The following DMBT1 variants were observed in gnomAD, a reference collection of about 807,000 sequenced individuals.
The protein encoded by DMBT1 is deleted in malignant brain tumors 1.
Under a neutral mutation model 252.9 loss-of-function variants are expected in DMBT1, and 198 were observed. The observed-to-expected ratio is 0.78, with a 90% confidence interval of 0.70 to 0.88. The LOEUF (loss-of-function observed/expected upper bound fraction) is 0.88. DMBT1 is among the 40% of genes least tolerant of loss of function. DMBT1 has a pLI of 0.00. For missense variants in DMBT1, 2,432 were observed against 2,404.7 expected, an observed-to-expected ratio of 1.01 and a Z score of -0.24; for synonymous variants, 990 against 942.7, an observed-to-expected ratio of 1.05 and a Z score of -0.92.
At chr10:122,575,655 C>G (rs1044710629) in intron 6 of DMBT1, among the ~76,000 whole-genome samples, 1 of 152,074 alleles carries the variant, frequency 6.6e-6, no homozygotes, top group African/African-American at 2.4e-5. Flanking sequence ...GTCATGTTGC[C>G]AACTATATCC....
Position 122,625,289 on chromosome 10 carries a change from A to C in DMBT1, c.5621A>C (p.Asn1874Thr). 6.2e-7 allele frequency: 1 copy of C among 1,611,464 alleles called. No homozygotes were observed. Among genetic ancestry groups the C allele is most frequent in the Non-Finnish European group, 8.5e-7 (1 of 1,178,858 alleles). Reference protein sequence around the residue: ...AGVICSATQINSTTTDWWHPT... With the variant: ...AGVICSATQITSTTTDWWHPT... The stretch of plus-strand genomic sequence containing the variant: ...CTTTTCCTTGCAGCCACCCAAATAA[A>C]TTCTACTACGACAGGTGAGTCTGCT... Residue 1874 changes from asparagine to threonine, a missense_variant, in exon 45 of 56, where the codon AAT becomes ACT. Physicochemically the swap from Asn to Thr is moderately conservative, Grantham distance 65. Around this residue, in one of 3 missense-constraint regions of DMBT1, gnomAD observed 1,162 missense variants for 1,169.0 expected, o/e 0.99. Coordinates refer to ENST00000338354, the MANE Select transcript of DMBT1 (RefSeq NM_001377530.1).
In DMBT1 at chr10:122,640,588, T is replaced by C. The variant is rs1266609632; in HGVS notation, c.7352+139T>C. On this transcript the variant is annotated intron_variant, in intron 55 of 55. Coordinates refer to ENST00000338354, the MANE Select transcript of DMBT1 (RefSeq NM_001377530.1). ...CAGCTTAACTGGATCCCTTTCTACA[T>C]GTAGTGATGTCCTGTAGCTTTCACC... 1.2e-5 allele frequency: 11 copies of C among 917,702 alleles called. No individual in the cohort carries two copies. In the East Asian group the frequency reaches 2.4e-4, roughly 20 times the overall value. 56.8% of individuals were successfully genotyped at this position (917,702 alleles called of 1,614,324 possible).
chr10:122,569,869 G>A (rs886223480), intron 2 of DMBT1, among the ~76,000 whole-genome samples: 1 of 152,146 alleles, frequency 6.6e-6, no homozygotes, highest in African/African-American at 2.4e-5. Context: ...ATTGACATTG[G>A]ATCTTGTGAC....
rs181135116 is a variant in DMBT1 at position 122,578,995 on chromosome 10, G to A, written c.679+236G>A. On this transcript the variant is annotated intron_variant, in intron 9 of 55. Coordinates refer to ENST00000338354, the MANE Select transcript of DMBT1 (RefSeq NM_001377530.1). ...GGCTCATGATAGGATGAGGCTCAAG[G>A]TGGGCCCCTTGCTTTTTCATGTTTC... Among the ~76,000 whole-genome samples, 7 of 152,210 alleles carry A rather than the reference G, an allele frequency of 4.6e-5. No homozygotes were observed. In the East Asian group the frequency reaches 1.2e-3, roughly 25 times the overall value.
In DMBT1 at chr10:122,573,800, C is replaced by T. The variant is rs1167206406; in HGVS notation, c.283+38C>T. On this transcript the variant is annotated intron_variant, in intron 6 of 55. Transcript: ENST00000338354. ...ATGGGGGATCCCTGTAGGCTCATTA[C>T]CCCCCTGCACCCCTAGGTTAATCTC... The T allele has an allele frequency of 6.3e-6, 10 of 1,598,764 alleles. No individual in the cohort carries two copies. The Admixed American group carries it at 8.3e-5, about 13-fold the overall frequency.
At position 122,643,427 on chromosome 10, in the gene DMBT1, C is replaced by T. The variant is rs371856901; in HGVS notation, c.*29C>T. On this transcript the variant is annotated 3_prime_UTR_variant, in exon 56 of 56. Transcript: ENST00000338354. ...GTCGCTCTCAGACCCCACTGTCCACCGGGGCGCAGACCCCTGACTCGGGGA... is the reference window on the plus strand; with the variant it reads ...GTCGCTCTCAGACCCCACTGTCCACTGGGGCGCAGACCCCTGACTCGGGGA... 1.4e-5 allele frequency: 23 copies of T among 1,592,538 alleles called. No homozygotes were observed. The South Asian group carries it at 1.6e-4, about 11-fold the overall frequency.
Position 122,560,944 on chromosome 10 carries a change from C to T in DMBT1, c.61+113C>T, listed in dbSNP as rs138795864. ...AAGTTTTATATCAAAGAGTGGGTAGCACTTTGCTGATAATTGTAATTGTTT... is the reference window on the plus strand; with the variant it reads ...AAGTTTTATATCAAAGAGTGGGTAGTACTTTGCTGATAATTGTAATTGTTT... On this transcript the variant is annotated intron_variant, in intron 1 of 55. Coordinates refer to ENST00000338354, the MANE Select transcript of DMBT1 (RefSeq NM_001377530.1). 2.9e-4 allele frequency: 200 copies of T among 695,460 alleles called. 2 individuals carry two copies. In the East Asian group the frequency reaches 5.5e-3, roughly 19 times the overall value. 43.1% of individuals were successfully genotyped at this position (695,460 alleles called of 1,614,324 possible). A position where few individuals can be genotyped will look rare whatever the true frequency, so the allele number is the denominator to read the frequency against.
At chr10:122,635,404 T>C (rs1455156135) in intron 52 of DMBT1, among the ~76,000 whole-genome samples, 1 of 152,144 alleles carries the variant, frequency 6.6e-6, no homozygotes, top group Non-Finnish European at 1.5e-5. Context: ...CTTCCTTTCC[T>C]GATGTAAAGG....
intron 50 of DMBT1, 127 bp from the exon 51 acceptor site, chr10:122,632,734 C>T: frequency 7.9e-7 from 1 of 1,265,120 alleles, no homozygotes; most frequent in Non-Finnish European, 1.1e-6. Flanking sequence ...TCCCCAAGGG[C>T]AAGGCCTGTG....
chr10:122,598,951 A>T lies in DMBT1; in HGVS notation c.3134A>T (p.Asn1045Ile), dbSNP rs763599324. 3 of 1,613,762 alleles carry T rather than the reference A, an allele frequency of 1.9e-6. No individual in the cohort carries two copies. The highest frequency in any genetic ancestry group is 2.5e-6 in the Non-Finnish European group (3 of 1,179,736). Residue 1045 changes from asparagine to isoleucine, a missense_variant, in exon 26 of 56, where the codon AAT becomes ATT. This residue lies in a region of DMBT1 where 1,264 missense variants were observed against 1,082.2 expected (regional missense o/e 1.17). Transcript: ENST00000338354. ...GCGWAMSAPG[N>I]ARFGQGSGPI... is the part of the protein sequence containing the mutation. Reference sequence around the variant, plus strand: ...GGCTGGGCCATGTCAGCCCCAGGAAATGCCCGGTTTGGTCAGGGCTCAGGA... The same window carrying T: ...GGCTGGGCCATGTCAGCCCCAGGAATTGCCCGGTTTGGTCAGGGCTCAGGA...
chr10:122,620,147 C>T, intron 42 of DMBT1, 106 bp from the exon 43 acceptor site: 1 of 1,234,564 alleles, frequency 8.1e-7, no homozygotes, highest in Non-Finnish European at 1.2e-6. Flanking sequence ...TGGCAGGAAC[C>T]AGAAATTGAA....
chr10:122,567,677 A>G (rs776511042), intron 2 of DMBT1, among the ~76,000 whole-genome samples: 16 of 152,098 alleles, frequency 1.1e-4, no homozygotes, highest in South Asian at 2.1e-4. Context: ...CACCATCAAT[A>G]CAGCTTACCC....
At position 122,579,893 on chromosome 10, in the gene DMBT1, T is replaced by C. The variant is rs1320308203; in HGVS notation, c.995T>C (p.Ile332Thr). 6.2e-7 allele frequency: 1 copy of C among 1,613,732 alleles called. No homozygotes were observed. Among genetic ancestry groups the C allele is most frequent in the African/African-American group, 1.3e-5 (1 of 74,934 alleles). Residue 332 changes from isoleucine (I) to threonine (T), a missense_variant, in exon 10 of 56, where the codon ATC becomes ACC. Transcript: ENST00000338354. ...NCGHSEDAGV[I>T]CSAPQSRPTP... ...GGCCATAGTGAAGACGCTGGTGTCA[T>C]CTGCTCAGGTGGGCCTTCAAGAACT...
Position 122,637,323 on chromosome 10 carries a change from G to A in DMBT1, c.6942+11G>A, listed in dbSNP as rs567891560. ...GGCACCTTCAAGCAGGTAAGCCTGG[G>A]GCTTCCCATTCCATTTCCCAGTGCA... On this transcript the variant is annotated intron_variant, in intron 54 of 55. Coordinates refer to ENST00000338354, the MANE Select transcript of DMBT1 (RefSeq NM_001377530.1). 5.7e-6 allele frequency: 9 copies of A among 1,588,864 alleles called. No homozygotes were observed.
At chr10:122,586,625 G>T (rs1347700428) in intron 16 of DMBT1, among the ~76,000 whole-genome samples, 1 of 148,374 alleles carries the variant, frequency 6.7e-6, no homozygotes, top group Non-Finnish European at 1.5e-5. Flanking sequence ...CTGAGGCAGC[G>T]CAAGCAGAGG....
At chr10:122,625,575 C>T (rs984933308) in intron 45 of DMBT1, among the ~76,000 whole-genome samples, 1 of 152,166 alleles carries the variant, frequency 6.6e-6, no homozygotes, top group Admixed American at 6.5e-5. Context: ...TTTGGTCCTC[C>T]CATTATTTCA....
intron 53 of DMBT1, among the ~76,000 whole-genome samples, chr10:122,636,467 C>T (rs541182857): frequency 5.7e-4 from 87 of 152,314 alleles, no homozygotes; most frequent in African/African-American, 1.9e-3. Context: ...TGATGCTCTT[C>T]GTGGAGAGTG....
rs1844969316 is a variant in DMBT1, at chr10:122,643,647, T to C, written c.*249T>C. ...CATAGACCTGACGTCCCAGAATCCATGCTTCTCATCTGCAAAATGAAAATG... is the reference window on the plus strand; with the variant it reads ...CATAGACCTGACGTCCCAGAATCCACGCTTCTCATCTGCAAAATGAAAATG... On this transcript the variant is annotated 3_prime_UTR_variant, in exon 56 of 56. Coordinates refer to ENST00000338354, the MANE Select transcript of DMBT1 (RefSeq NM_001377530.1). The C allele has an allele frequency of 9.1e-6, 5 of 549,940 alleles. No individual in the cohort carries two copies. Among genetic ancestry groups the C allele is most frequent in the Non-Finnish European group, 3.2e-6 (1 of 309,812 alleles). 34.1% of individuals were successfully genotyped at this position (549,940 alleles called of 1,614,324 possible).
chr10:122,621,731 A>T (rs2098071405), intron 44 of DMBT1, among the ~76,000 whole-genome samples: 1 of 152,178 alleles, frequency 6.6e-6, no homozygotes, highest in African/African-American at 2.4e-5. Flanking sequence ...GGGGCAGAGG[A>T]GGGATCCTCT....
Sources: allele counts gnomAD v4.1 joint callset (sites outside exome capture counted in the v4.1 genomes callset), GRCh38; gene constraint gnomAD v4.1.1; regional missense constraint gnomAD v4.1.1; transcripts MANE v1.5; gene names NCBI Gene and HGNC (gene_info 2026-07-23, HGNC 2026-07-21).